USP28: variants seen among roughly 807,000 people sequenced by gnomAD.
The protein encoded by USP28 is ubiquitin specific peptidase 28, also known as ubiquitin carboxyl-terminal hydrolase 28.
In USP28, 113 loss-of-function variants were observed where a neutral mutation model predicts 145.0. The observed-to-expected ratio is 0.78, with a 90% CI of 0.67 to 0.91. The LOEUF (loss-of-function observed/expected upper bound fraction) is 0.91. USP28 is among the 40% of genes least tolerant of loss of function. The probability of loss-of-function intolerance (pLI) is 0.00; values close to 1 mark genes in which losing one functional copy is unlikely to be tolerated. For missense variants in USP28, 1,201 were observed against 1,289.6 expected (o/e 0.93, Z 1.05); for synonymous variants, 447 against 450.9 (o/e 0.99, Z 0.11).
At chr11:113,875,521 G>T (rs892744040) in exon 1 of USP28, 15 of 1,154,164 alleles carry the variant, frequency 1.3e-5, no homozygotes, top group Non-Finnish European at 1.6e-5. Flanking sequence ...GCCCAGCCGC[G>T]GGTCACCGGT....
Position 113,823,705 on chromosome 11 carries a change from G to C in USP28, c.1188-5C>G. 5.7e-6 allele frequency: 9 copies of C among 1,588,662 alleles called. No individual in the cohort carries two copies. Among genetic ancestry groups the C allele is most frequent in the Non-Finnish European group, 7.7e-6 (9 of 1,167,786 alleles). On this transcript the variant is annotated splice_polypyrimidine_tract_variant and splice_region_variant and intron_variant, in intron 11 of 24. Transcript: ENST00000003302. ...TCCTTGCTCCTGTACATGTACCTAAGTAAATAATCCCACAAACACAATTTA... is the reference window on the plus strand; with the variant it reads ...TCCTTGCTCCTGTACATGTACCTAACTAAATAATCCCACAAACACAATTTA...
At chr11:113,806,684 G>A in intron 18 of USP28, 100 bp from the exon 20 acceptor site, 2 of 790,626 alleles carry the variant, frequency 2.5e-6, no homozygotes, top group Non-Finnish European at 3.9e-6. Context: ...AAGGGCAGCA[G>A]AGCAGTGTGC....
chr11:113,856,462 G>A (rs372206590), intron 1 of USP28, among the ~76,000 whole-genome samples: 1 of 152,062 alleles, frequency 6.6e-6, no homozygotes, highest in African/African-American at 2.4e-5. Context: ...TTTTAGCCAG[G>A]TGCTGCTATA....
intron 9 of USP28, 55 bp from the exon 10 acceptor site, chr11:113,829,400 T>C (rs1261019310): frequency 3.8e-6 from 6 of 1,596,172 alleles, no homozygotes; most frequent in Non-Finnish European, 2.6e-6. Context: ...ATCTAAAGCC[T>C]ATCTTCTGGC....
chr11:113,801,768 TTAC>T, intron 23 of USP28, 90 bp from the exon 25 acceptor site: 1 of 1,049,218 alleles, frequency 9.5e-7, no homozygotes, highest in East Asian at 2.6e-5. Context: ...TTCCCAAACT[TTAC>T]TGCACATTGG....
intron 1 of USP28, among the ~76,000 whole-genome samples, chr11:113,860,822 A>G (rs1947597538): frequency 6.6e-6 from 1 of 151,218 alleles, no homozygotes; most frequent in African/African-American, 2.4e-5. Flanking sequence ...GTGTCTCGAA[A>G]AAAAAAAAAA....
chr11:113,833,294 C>T, intron 7 of USP28, 126 bp downstream of exon 7: 6 of 1,344,704 alleles, frequency 4.5e-6, no homozygotes, highest in Non-Finnish European at 6.1e-6. Context: ...AAACAAAAGT[C>T]AGAAACGAGC....
chr11:113,873,753 G>C (rs1949049503), intron 1 of USP28, among the ~76,000 whole-genome samples: 1 of 35,726 alleles, frequency 2.8e-5, no homozygotes, highest in Admixed American at 3.9e-4. Flanking sequence ...ATAGGCACTT[G>C]TGAACATCTA....
intron 5 of USP28, among the ~76,000 whole-genome samples, chr11:113,839,675 G>A (rs903313617): frequency 2.6e-5 from 4 of 152,116 alleles, no homozygotes; most frequent in African/African-American, 9.7e-5. Flanking sequence ...GAACACCTGA[G>A]GTCAGGAGTT....
chr11:113,860,540 A>C (rs1947551379), intron 1 of USP28, among the ~76,000 whole-genome samples: 1 of 152,138 alleles, frequency 6.6e-6, no homozygotes, highest in African/African-American at 2.4e-5. Flanking sequence ...GGCCAGGTGC[A>C]GTGGCTCATG....
In USP28 at chr11:113,825,486, C is replaced by A. The variant is rs185146191; in HGVS notation, c.1187+1747G>T. Among the ~76,000 whole-genome samples the A allele has an allele frequency of 8.5e-5, 13 of 152,262 alleles. No individual in the cohort carries two copies. In the East Asian group the frequency reaches 2.5e-3, roughly 29 times the overall value. On this transcript the variant is annotated intron_variant, in intron 11 of 24. Transcript: ENST00000003302. ...AATATACACTTTTCATAGAACCAAG[C>A]AATCCTACTCCTACATATTTTACCC...
intron 1 of USP28, among the ~76,000 whole-genome samples, chr11:113,867,225 A>G (rs755868282): frequency 6.6e-6 from 1 of 152,162 alleles, no homozygotes; most frequent in African/African-American, 2.4e-5. Flanking sequence ...TGGTGATTGC[A>G]CAATATTGTG....
chr11:113,854,672 G>A (rs1946853452), intron 1 of USP28, among the ~76,000 whole-genome samples: 1 of 152,176 alleles, frequency 6.6e-6, no homozygotes, highest in South Asian at 2.1e-4. Flanking sequence ...AGTCCGCTGG[G>A]ATTACAGGTG....
At chr11:113,861,915 C>T (rs1947736810) in intron 1 of USP28, among the ~76,000 whole-genome samples, 1 of 152,096 alleles carries the variant, frequency 6.6e-6, no homozygotes, top group Admixed American at 6.5e-5. Context: ...ATTGGTAGGG[C>T]TAATTGAAAA....
chr11:113,875,472 C>A (rs1949289743), exon 1 of USP28: 2 of 1,234,876 alleles, frequency 1.6e-6, no homozygotes, highest in African/African-American at 1.6e-5. Context: ...CCGCGCCGGC[C>A]GCGTCGTCCT....
exon 13 of USP28, chr11:113,817,814 G>A (rs1426723867): frequency 1.2e-6 from 2 of 1,614,126 alleles, no homozygotes; most frequent in Admixed American, 1.7e-5. Flanking sequence ...GAACCGAGCT[G>A]GGCCTGAGCC....
chr11:113,803,801 C>G, exon 22 of USP28: 1 of 1,613,146 alleles, frequency 6.2e-7, no homozygotes, highest in Non-Finnish European at 8.5e-7. Context: ...AACATACTTT[C>G]CTTTTTGATA....
chr11:113,810,631 C>T (rs1468239346), intron 16 of USP28, among the ~76,000 whole-genome samples: 1 of 152,206 alleles, frequency 6.6e-6, no homozygotes, highest in African/African-American at 2.4e-5. Flanking sequence ...TCCCCAACCA[C>T]ACTAGCAAAT....
intron 1 of USP28, among the ~76,000 whole-genome samples, chr11:113,868,109 A>G (rs925561102): frequency 6.6e-6 from 1 of 152,122 alleles, no homozygotes; most frequent in Non-Finnish European, 1.5e-5. Flanking sequence ...GCAAATCTCA[A>G]TCTTCCTCAG....
Sources: gnomAD v4.1 joint callset for allele counts (sites outside exome capture counted in the v4.1 genomes callset) on GRCh38, gnomAD v4.1.1 for gene constraint, MANE v1.5 for transcripts, NCBI Gene and HGNC (gene_info 2026-07-23, HGNC 2026-07-21) for gene names.